Variants in DCDC1 observed in about 807,000 individuals in gnomAD.
The protein encoded by DCDC1 is doublecortin domain-containing protein 1.
A neutral mutation model predicts 178.3 loss-of-function variants in DCDC1; 200 were observed. The ratio of observed to expected loss-of-function variants is 1.12; its 90% CI spans 1.00 to 1.26. The LOEUF (loss-of-function observed/expected upper bound fraction) is 1.26. Ranked by LOEUF, DCDC1 falls within the 50% of genes most tolerant of loss-of-function variation. The pLI, the probability that DCDC1 is intolerant of heterozygous loss-of-function variation, is 0.00. For missense variants in DCDC1, 1,983 were observed against 1,749.2 expected (o/e 1.13, Z -2.38); for synonymous variants, 690 against 604.8 (o/e 1.14, Z -2.07).
intron 9 of DCDC1, among the ~76,000 whole-genome samples, chr11:31,164,211 C>T (rs1220706516): frequency 6.6e-6 from 1 of 152,052 alleles, no homozygotes; most frequent in Admixed American, 6.6e-5. Flanking sequence ...CAACAGAACA[C>T]ATGTAAAATG....
chr11:31,080,798 C>A (rs1240141607), intron 17 of DCDC1, among the ~76,000 whole-genome samples: 1 of 152,154 alleles, frequency 6.6e-6, no homozygotes, highest in African/African-American at 2.4e-5. Flanking sequence ...TCATTGCTTA[C>A]AAGCAATCTC....
chr11:31,028,475 C>T (rs934067575), intron 20 of DCDC1, among the ~76,000 whole-genome samples: 1 of 151,942 alleles, frequency 6.6e-6, no homozygotes, highest in Non-Finnish European at 1.5e-5. Flanking sequence ...ATCTTTTTTA[C>T]TGCAATTTCA....
intron 8 of DCDC1, among the ~76,000 whole-genome samples, chr11:31,251,976 T>A (rs529202540): frequency 6.6e-6 from 1 of 152,132 alleles, no homozygotes; most frequent in Admixed American, 6.5e-5. Flanking sequence ...ATTCAGGCCA[T>A]GATACAATTA....
intron 20 of DCDC1, among the ~76,000 whole-genome samples, chr11:31,006,681 G>T (rs1476699212): frequency 6.6e-6 from 1 of 152,152 alleles, no homozygotes; most frequent in Non-Finnish European, 1.5e-5. Context: ...ACAATACTTT[G>T]TCTGGAGCGT....
chr11:31,019,626 T>C (rs1323370311), intron 20 of DCDC1, among the ~76,000 whole-genome samples: 1 of 152,190 alleles, frequency 6.6e-6, no homozygotes, highest in Non-Finnish European at 1.5e-5. Context: ...ATAACTGGTA[T>C]GATCTTTTAA....
intron 7 of DCDC1, among the ~76,000 whole-genome samples, chr11:31,279,777 C>T (rs1340225540): frequency 1.3e-5 from 2 of 152,000 alleles, no homozygotes; most frequent in Non-Finnish European, 2.9e-5. Flanking sequence ...AGGAGAAATA[C>T]CTAATGTAGA....
chr11:31,111,035 G>A (rs759323776), intron 11 of DCDC1, among the ~76,000 whole-genome samples: 2 of 152,006 alleles, frequency 1.3e-5, no homozygotes, highest in African/African-American at 2.4e-5. Flanking sequence ...AACCAGTCCC[G>A]ACAGGATGGC....
At chr11:31,220,103 T>G (rs1409836135) in intron 9 of DCDC1, among the ~76,000 whole-genome samples, 1 of 152,208 alleles carries the variant, frequency 6.6e-6, no homozygotes, top group East Asian at 1.9e-4. Context: ...CCCTATATTC[T>G]AGGAAGTCCA....
At chr11:31,327,448 G>A (rs1303615855) in intron 3 of DCDC1, among the ~76,000 whole-genome samples, 1 of 152,140 alleles carries the variant, frequency 6.6e-6, no homozygotes, top group Non-Finnish European at 1.5e-5. Flanking sequence ...GGGATTACAG[G>A]CGTGAGTAAC....
intron 38 of DCDC1, among the ~76,000 whole-genome samples, chr11:30,871,738 T>C (rs1326281961): frequency 6.6e-6 from 1 of 152,144 alleles, no homozygotes; most frequent in Non-Finnish European, 1.5e-5. Context: ...TGTTTCGCCT[T>C]CCAATATCTG....
chr11:31,065,203 C>T (rs764139706), intron 18 of DCDC1, 50 bp from the exon 19 acceptor site: 1 of 626,750 alleles, frequency 1.6e-6, no homozygotes, highest in Non-Finnish European at 2.9e-6. Flanking sequence ...TAAACAATAG[C>T]CAAAAATCCA....
intron 20 of DCDC1, among the ~76,000 whole-genome samples, chr11:31,049,734 T>G (rs1955111131): frequency 6.6e-6 from 1 of 152,188 alleles, no homozygotes; most frequent in Non-Finnish European, 1.5e-5. Context: ...AACACACACC[T>G]TCAGTGGAGA....
At chr11:30,921,452 A>G (rs1325778426) in intron 24 of DCDC1, among the ~76,000 whole-genome samples, 1 of 152,196 alleles carries the variant, frequency 6.6e-6, no homozygotes, top group Non-Finnish European at 1.5e-5. Context: ...TAGAACTTTT[A>G]TAAAAGAAAA....
At chr11:31,032,981 C>T (rs1373078666) in intron 20 of DCDC1, among the ~76,000 whole-genome samples, 1 of 152,076 alleles carries the variant, frequency 6.6e-6, no homozygotes, top group Non-Finnish European at 1.5e-5. Context: ...ACACACCTGG[C>T]AGAGGTGGGA....
chr11:31,035,833 C>T (rs1385663191), intron 20 of DCDC1, among the ~76,000 whole-genome samples: 2 of 152,242 alleles, frequency 1.3e-5, no homozygotes, highest in African/African-American at 2.4e-5. Context: ...ATTCCTTCTA[C>T]ATTTATAACT....
At chr11:31,221,496 A>C (rs1974258321) in intron 9 of DCDC1, among the ~76,000 whole-genome samples, 1 of 152,088 alleles carries the variant, frequency 6.6e-6, no homozygotes, top group African/African-American at 2.4e-5. Context: ...GGTGGTAGTG[A>C]CCTTCCCCTT....
intron 2 of DCDC1, among the ~76,000 whole-genome samples, chr11:31,329,742 T>G (rs895289331): frequency 1.3e-5 from 2 of 152,238 alleles, no homozygotes; most frequent in Admixed American, 6.5e-5. Flanking sequence ...TCCTTTTTTA[T>G]GGCTGCATAG....
At chr11:31,154,073 G>T (rs1965473835) in intron 9 of DCDC1, among the ~76,000 whole-genome samples, 5 of 152,138 alleles carry the variant, frequency 3.3e-5, no homozygotes, top group Admixed American at 3.3e-4. Context: ...GTTCTCACAA[G>T]ATCTGGTTGT....
chr11:30,915,848 T>A (rs994624841), intron 26 of DCDC1, 137 bp from the exon 27 acceptor site: 5 of 797,542 alleles, frequency 6.3e-6, no homozygotes, highest in Admixed American at 2.3e-5. Flanking sequence ...ATAGACCATA[T>A]CATTAGAATG....
Sources: gnomAD v4.1 joint callset for allele counts (sites outside exome capture counted in the v4.1 genomes callset) on GRCh38, gnomAD v4.1.1 for gene constraint, MANE v1.5 for transcripts, NCBI Gene and HGNC (gene_info 2026-07-23, HGNC 2026-07-21) for gene names.